NFKB1: variants seen among roughly 807,000 people sequenced by gnomAD.
NFKB1 encodes nuclear factor kappa B subunit 1.
In NFKB1, 9 loss-of-function variants were observed where a neutral mutation model predicts 105.1. That is an observed-to-expected ratio of 0.09 (90% CI 0.05 to 0.15). The LOEUF is 0.15. Ranked by LOEUF, NFKB1 falls within the 10% of genes least tolerant of loss-of-function variation. NFKB1 has a pLI of 1.00. For synonymous variants in NFKB1, 440 were observed against 442.2 expected (o/e 1.00, Z 0.06); for missense variants, 830 against 1,203.7 (o/e 0.69, Z 4.59).
intron 2 of NFKB1, among the ~76,000 whole-genome samples, chr4:102,528,159 T>C (rs1741046515): frequency 6.6e-6 from 1 of 152,152 alleles, no homozygotes; most frequent in Non-Finnish European, 1.5e-5. Context: ...GTGAAGAGTA[T>C]ATCTCTCTCC....
At chr4:102,532,231 C>T (rs552444379) in intron 3 of NFKB1, among the ~76,000 whole-genome samples, 2 of 152,108 alleles carry the variant, frequency 1.3e-5, no homozygotes, top group East Asian at 1.9e-4. Context: ...TTTTTCAACT[C>T]GCTTCCTTGT....
chr4:102,542,500 C>T (rs187456784), intron 5 of NFKB1, among the ~76,000 whole-genome samples: 49 of 149,410 alleles, frequency 3.3e-4, no homozygotes, highest in Non-Finnish European at 7.5e-5. Flanking sequence ...TTTGATAGCT[C>T]TCTCTCTCTC....
At chr4:102,525,454 GA>G (rs904903674) in intron 1 of NFKB1, 57 bp from the exon 2 acceptor site, 4 of 1,539,756 alleles carry the variant, frequency 2.6e-6, no homozygotes, top group Non-Finnish European at 3.6e-6. Flanking sequence ...CATGGTGATA[GA>G]ATTTTTAAAG....
In NFKB1 at chr4:102,612,093, A is replaced by T; in HGVS notation, c.2402A>T (p.Asp801Val). ...CCATATGAGCCAGAGTTTACATCTG[A>T]TGATTTACTAGCACAAGGTGGGTTG... Reference protein sequence around the residue: ...GKPYEPEFTSDDLLAQGDMKQ... With the variant: ...GKPYEPEFTSVDLLAQGDMKQ... Residue 801 changes from aspartate (D) to valine (V), a missense_variant, in exon 21 of 24, where the codon GAT (aspartate) becomes GTT (valine). Physicochemically the swap from Asp to Val is radical, Grantham distance 152 (BLOSUM62 -3). Transcript: ENST00000226574. 6.2e-7 allele frequency: 1 copy of T among 1,613,992 alleles called. No individual in the cohort carries two copies. Among genetic ancestry groups the T allele is most frequent in the Non-Finnish European group, 8.5e-7 (1 of 1,179,872 alleles).
chr4:102,536,074 G>C (rs971376410), intron 4 of NFKB1, among the ~76,000 whole-genome samples: 9 of 151,968 alleles, frequency 5.9e-5, no homozygotes, highest in African/African-American at 2.2e-4. Context: ...CTCAAGTTGT[G>C]TTTAAATTAG....
At chr4:102,511,184 A>T (rs1313168064) in intron 1 of NFKB1, among the ~76,000 whole-genome samples, 3 of 152,200 alleles carry the variant, frequency 2.0e-5, no homozygotes, top group Admixed American at 1.3e-4. Context: ...ATGTTTTGAT[A>T]TACATATGCA....
intron 22 of NFKB1, 21 bp downstream of exon 22, chr4:102,612,627 T>A: frequency 1.2e-6 from 2 of 1,604,866 alleles, no homozygotes; most frequent in Non-Finnish European, 8.5e-7. Context: ...ACCTTACAGA[T>A]TTAGCAATTT....
intron 5 of NFKB1, among the ~76,000 whole-genome samples, chr4:102,561,230 A>G (rs957300799): frequency 6.7e-6 from 1 of 149,938 alleles, no homozygotes; most frequent in Non-Finnish European, 1.5e-5. Flanking sequence ...GAGAAGAAAT[A>G]TTATTAAAAT....
intron 5 of NFKB1, among the ~76,000 whole-genome samples, chr4:102,547,045 C>G (rs1166351908): frequency 6.6e-6 from 1 of 152,038 alleles, no homozygotes. Context: ...ATCATGAGCT[C>G]CTGATCAAAA....
chr4:102,522,958 A>G (rs1740663200), intron 1 of NFKB1, among the ~76,000 whole-genome samples: 1 of 152,214 alleles, frequency 6.6e-6, no homozygotes, highest in South Asian at 2.1e-4. Context: ...ATATATACTC[A>G]TAAATACGTG....
intron 12 of NFKB1, 115 bp from the exon 13 acceptor site, chr4:102,594,777 C>T: frequency 3.1e-6 from 2 of 641,108 alleles, no homozygotes; most frequent in Non-Finnish European, 5.6e-6. Context: ...TGTGTGGGCA[C>T]AATACTGTCC....
intron 1 of NFKB1, among the ~76,000 whole-genome samples, chr4:102,507,823 T>C (rs921945864): frequency 6.6e-6 from 1 of 152,250 alleles, no homozygotes; most frequent in Non-Finnish European, 1.5e-5. Flanking sequence ...GAAAATACTA[T>C]ACCATATTTC....
intron 9 of NFKB1, 44 bp downstream of exon 9, chr4:102,580,683 G>C: frequency 6.8e-7 from 1 of 1,467,218 alleles, no homozygotes; most frequent in Non-Finnish European, 9.5e-7. Flanking sequence ...GTGTGATCTT[G>C]ACACACTACA....
intron 1 of NFKB1, among the ~76,000 whole-genome samples, chr4:102,508,778 A>G (rs1739592591): frequency 1.3e-5 from 2 of 152,228 alleles, no homozygotes. Context: ...ATGAAAGCAT[A>G]AAGATTTAGG....
chr4:102,575,155 T>C (rs192635140), intron 6 of NFKB1, among the ~76,000 whole-genome samples: 1 of 152,226 alleles, frequency 6.6e-6, no homozygotes, highest in Admixed American at 6.5e-5. Flanking sequence ...CAGATACTTA[T>C]TAAACACTCA....
At chr4:102,532,899 A>G (rs1446647337) in intron 3 of NFKB1, among the ~76,000 whole-genome samples, 1 of 152,196 alleles carries the variant, frequency 6.6e-6, no homozygotes, top group East Asian at 1.9e-4. Flanking sequence ...TGACATAAAA[A>G]TCAGCTGGGA....
At chr4:102,546,477 C>T (rs370755786) in intron 5 of NFKB1, among the ~76,000 whole-genome samples, 17 of 152,152 alleles carry the variant, frequency 1.1e-4, no homozygotes, top group South Asian at 8.3e-4. Context: ...TCTCCCACTA[C>T]AATACACTTA....
At chr4:102,544,880 G>T (rs1044292573) in intron 5 of NFKB1, among the ~76,000 whole-genome samples, 1 of 152,038 alleles carries the variant, frequency 6.6e-6, no homozygotes, top group African/African-American at 2.4e-5. Context: ...GTCAGTTCTG[G>T]CTTGGTGACC....
rs550204629 is a variant in NFKB1 at position 102,587,495 on chromosome 4, C to G, written c.1066+2675C>G. On this transcript the variant is annotated intron_variant, in intron 11 of 23. Transcript: ENST00000226574. The stretch of plus-strand genomic sequence containing the variant: ...GCCTGTCTCCCTTTCCCAGTGGTAT[C>G]TATGCCTCAGAAAAGTATGTTATAG... Among the ~76,000 whole-genome samples, 212 of 151,948 alleles carry G rather than the reference C, an allele frequency of 1.4e-3. 2 individuals carry two copies. The South Asian group carries it at 0.014, about 10-fold the overall frequency.
Sources: gnomAD v4.1 joint callset for allele counts (sites outside exome capture counted in the v4.1 genomes callset) on GRCh38, gnomAD v4.1.1 for gene constraint, MANE v1.5 for transcripts, NCBI Gene and HGNC (gene_info 2026-07-23, HGNC 2026-07-21) for gene names.